Variants in DPP6 observed in about 807,000 individuals in gnomAD.
The protein encoded by DPP6 is A-type potassium channel modulatory protein DPP6.
A neutral mutation model predicts 122.6 loss-of-function variants in DPP6; 69 were observed. The observed-to-expected ratio is 0.56, with a 90% CI of 0.46 to 0.69. The LOEUF is 0.69. Among genes scored for constraint, DPP6 ranks in the 30% least tolerant of loss-of-function variants. The pLI, the probability that DPP6 is intolerant of heterozygous loss-of-function variation, is 0.00. For synonymous variants in DPP6, 418 were observed against 433.1 expected (o/e 0.97, Z 0.43); for missense variants, 928 against 1,116.9 (o/e 0.83, Z 2.41).
At chr7:154,643,662 G>A (rs904636452) in intron 6 of DPP6, among the ~76,000 whole-genome samples, 3 of 152,000 alleles carry the variant, frequency 2.0e-5, no homozygotes, top group African/African-American at 7.3e-5. Flanking sequence ...TAGAGACGGG[G>A]TTTCACCGTG....
intron 1 of DPP6, among the ~76,000 whole-genome samples, chr7:154,166,544 A>G (rs532725011): frequency 9.9e-4 from 150 of 151,614 alleles, no homozygotes; most frequent in African/African-American, 3.5e-3. Flanking sequence ...AAAATATTGT[A>G]CAGACCCAGG....
Position 154,083,455 on chromosome 7 carries a change from T to C in DPP6, c.243+30392T>C, listed in dbSNP as rs995835243. 1.7e-4 allele frequency among the ~76,000 whole-genome samples: 26 copies of C among 151,138 alleles called. 1 individual carries two copies. Among genetic ancestry groups the C allele is most frequent in the Admixed American group, 1.6e-3 (25 of 15,154 alleles). On this transcript the variant is annotated intron_variant, in intron 1 of 25. Coordinates refer to ENST00000377770, the MANE Select transcript of DPP6 (RefSeq NM_130797.4). ...CTGAAGGAGAATAGCGTTGCCATCC[T>C]CCCTACCCACCTCTGAGTCTCTGGT... is the stretch of plus-strand genomic sequence containing the variant.
At chr7:154,770,021 A>G (rs1796161981) in intron 9 of DPP6, among the ~76,000 whole-genome samples, 1 of 152,280 alleles carries the variant, frequency 6.6e-6, no homozygotes, top group Middle Eastern at 3.4e-3. Flanking sequence ...CCAAATTCAT[A>G]CATTAAAATC....
chr7:154,271,968 T>A (rs1324407702), intron 1 of DPP6, among the ~76,000 whole-genome samples: 1 of 152,210 alleles, frequency 6.6e-6, no homozygotes, highest in Non-Finnish European at 1.5e-5. Context: ...ACCAAAACTC[T>A]TAGCTATGTG....
the DPP6 span, among the ~76,000 whole-genome samples, chr7:153,786,740 GAAAAAAAAAAAA>G: frequency 3.1e-5 from 1 of 31,782 alleles, no homozygotes; most frequent in African/African-American, 1.0e-4. Context: ...CTCCGTCTCA[GAAAAAAAAAAAA>G]AAAAAAAAAA....
At chr7:154,248,484 C>T (rs1236673021) in intron 1 of DPP6, among the ~76,000 whole-genome samples, 1 of 152,106 alleles carries the variant, frequency 6.6e-6, no homozygotes, top group Non-Finnish European at 1.5e-5. Flanking sequence ...AAATCACATA[C>T]ATTGGGAAAT....
the DPP6 span, among the ~76,000 whole-genome samples, chr7:153,771,914 A>T: frequency 6.6e-6 from 1 of 152,182 alleles, no homozygotes; most frequent in Non-Finnish European, 1.5e-5. Flanking sequence ...AGGAAAATAA[A>T]ATTAGTTTTT....
intron 1 of DPP6, among the ~76,000 whole-genome samples, chr7:154,021,739 G>A (rs1798709306): frequency 6.6e-6 from 1 of 152,130 alleles, no homozygotes. Flanking sequence ...ACGTGGATAT[G>A]TGAAGTGCTG....
At chr7:154,692,538 T>C (rs995955482) in intron 7 of DPP6, among the ~76,000 whole-genome samples, 1 of 152,144 alleles carries the variant, frequency 6.6e-6, no homozygotes, top group Non-Finnish European at 1.5e-5. Flanking sequence ...TCTTCAGAGT[T>C]TGTAGGGAAA....
At chr7:154,085,527 C>T (rs528794336) in intron 1 of DPP6, among the ~76,000 whole-genome samples, 11 of 152,070 alleles carry the variant, frequency 7.2e-5, no homozygotes, top group East Asian at 5.8e-4. Context: ...GTTTGCTGAA[C>T]GAACACAGTA....
intron 4 of DPP6, 50 bp from the exon 5 acceptor site, chr7:154,566,792 G>C: frequency 1.9e-6 from 2 of 1,066,358 alleles, no homozygotes; most frequent in Non-Finnish European, 2.8e-6. Flanking sequence ...ATAAGATTCT[G>C]ACTTGTTGTA....
rs544627603 is a variant in DPP6, at chr7:153,967,244, A to G, written c.51+79510A>G. 7.9e-5 allele frequency among the ~76,000 whole-genome samples: 12 copies of G among 152,124 alleles called. No individual in the cohort carries two copies. The East Asian group carries it at 1.7e-3, about 22-fold the overall frequency. On this transcript the variant is annotated intron_variant, in intron 1 of 25. Coordinates refer to the DPP6 transcript ENST00000404039. ...TGCTGGTGGCTTTGGGCTTGTGTTT[A>G]GATTTGCAGTTGGGGTCATATTCCA... is the stretch of plus-strand genomic sequence containing the variant.
At chr7:154,790,213 C>A (rs909851979) in intron 10 of DPP6, among the ~76,000 whole-genome samples, 4 of 152,120 alleles carry the variant, frequency 2.6e-5, no homozygotes, top group African/African-American at 9.7e-5. Flanking sequence ...CATAAAAAAT[C>A]AAGTGTATTT....
At chr7:154,045,107 C>T (rs369139013) in intron 1 of DPP6, among the ~76,000 whole-genome samples, 155 of 151,370 alleles carry the variant, frequency 1.0e-3, no homozygotes, top group African/African-American at 3.4e-3. Context: ...GAAACTTAAA[C>T]ATCAGTTCAA....
At chr7:154,656,719 T>A (rs1014792333) in intron 6 of DPP6, among the ~76,000 whole-genome samples, 17 of 136,470 alleles carry the variant, frequency 1.2e-4, no homozygotes, top group Non-Finnish European at 2.2e-4. Context: ...GAGGTGCTCA[T>A]GGGTGGGTGG....
intron 1 of DPP6, among the ~76,000 whole-genome samples, chr7:154,267,666 ATG>A (rs968180853): frequency 5.3e-5 from 8 of 150,156 alleles, no homozygotes; most frequent in Middle Eastern, 3.6e-3. Flanking sequence ...ATACATATAT[ATG>A]TGTGTGTATA....
At chr7:154,660,623 G>A (rs1263904641) in intron 6 of DPP6, among the ~76,000 whole-genome samples, 6 of 131,346 alleles carry the variant, frequency 4.6e-5, no homozygotes, top group African/African-American at 9.5e-5. Context: ...CATATTGGCC[G>A]TAGTGTTCAT....
chr7:153,826,035 C>T, the DPP6 span, among the ~76,000 whole-genome samples: 393 of 152,230 alleles, frequency 2.6e-3, 11 homozygotes, highest in East Asian at 0.069. Context: ...CAAAATAGCC[C>T]TGCACAGTCT....
chr7:154,640,450 C>T (rs1836002455), intron 6 of DPP6, among the ~76,000 whole-genome samples: 1 of 140,142 alleles, frequency 7.1e-6, no homozygotes, highest in South Asian at 2.2e-4. Context: ...ACCCTGTCAC[C>T]ATGTCACTGA....
Sources: allele counts gnomAD v4.1 joint callset (sites outside exome capture counted in the v4.1 genomes callset), GRCh38; gene constraint gnomAD v4.1.1; transcripts MANE v1.5; gene names NCBI Gene and HGNC (gene_info 2026-07-23, HGNC 2026-07-21).